Variants in ADGRA3 observed in about 807,000 individuals in gnomAD.
ADGRA3 encodes the protein G-protein coupled receptor 125.
Under a neutral mutation model 119.8 loss-of-function variants are expected in ADGRA3, and 56 were observed. That is an observed-to-expected ratio of 0.47 (90% CI 0.38 to 0.58). The LOEUF (loss-of-function observed/expected upper bound fraction) is 0.58, where lower values mean the gene tolerates loss of function less well. Among genes scored for constraint, ADGRA3 ranks in the 20% least tolerant of loss-of-function variants. The pLI is 0.00. For synonymous variants in ADGRA3, 607 were observed against 623.8 expected (o/e 0.97, Z 0.40); for missense variants, 1,516 against 1,649.0 (o/e 0.92, Z 1.40).
chr4:22,453,752 T>C (rs1005775562), intron 4 of ADGRA3, among the ~76,000 whole-genome samples: 3 of 152,218 alleles, frequency 2.0e-5, no homozygotes, highest in Admixed American at 1.3e-4. Flanking sequence ...TTTAGTCAGT[T>C]CTAAGCCCCT....
In ADGRA3 at chr4:22,515,524, T is replaced by C; in HGVS notation, c.257+4A>G. ...GAGGACCCAGCGTCGCGGGAGATAC[T>C]CACAGGGTGACCGTGCGGTTGGGCA... On this transcript the variant is annotated splice_donor_region_variant and intron_variant, in intron 1 of 18. Transcript: ENST00000334304. 6.3e-7 allele frequency: 1 copy of C among 1,590,784 alleles called. No individual in the cohort carries two copies. Among genetic ancestry groups the C allele is most frequent in the Non-Finnish European group, 8.6e-7 (1 of 1,162,358 alleles).
chr4:22,448,535 G>A (rs2109082385), intron 4 of ADGRA3, among the ~76,000 whole-genome samples: 1 of 152,276 alleles, frequency 6.6e-6, no homozygotes. Context: ...TTCTCCTCTG[G>A]AATCTGGGCT....
At chr4:22,467,352 A>T (rs1717697643) in intron 2 of ADGRA3, among the ~76,000 whole-genome samples, 1 of 152,068 alleles carries the variant, frequency 6.6e-6, no homozygotes, top group Non-Finnish European at 1.5e-5. Context: ...CCTCCCTGCA[A>T]CTCCCCAACT....
rs780401247 is a variant in ADGRA3, at chr4:22,387,832, G to A, written c.3839C>T (p.Ser1280Phe). The A allele has an allele frequency of 5.0e-6, 8 of 1,614,132 alleles. No individual in the cohort carries two copies. The highest frequency in any genetic ancestry group is 1.7e-5 in the Admixed American group (1 of 60,010). ...CTGAATGGCCAAGTTGAGGCCATAA[G>A]ATTTTTGCTGATTTTCAAGTTCAAC... ...AVVELENQQK[S>F]YGLNLAIQNG... Residue 1280 changes from serine to phenylalanine, a missense_variant, in exon 19 of 19, where the codon TCT (serine) becomes TTT (phenylalanine). By Grantham distance (155) the Ser-to-Phe change is radical. This residue lies in a region of ADGRA3 where 1,088 missense variants were observed against 1,107.1 expected (regional missense o/e 0.98). Coordinates refer to ENST00000334304, the MANE Select transcript of ADGRA3 (RefSeq NM_145290.4).
chr4:22,398,230 G>T, intron 16 of ADGRA3: 1 of 650,404 alleles, frequency 1.5e-6, no homozygotes, highest in Non-Finnish European at 1.9e-6. Flanking sequence ...TGAACAGTTA[G>T]TATATGCCTG....
intron 4 of ADGRA3, among the ~76,000 whole-genome samples, chr4:22,451,093 G>A (rs529453428): frequency 6.0e-5 from 9 of 150,990 alleles, no homozygotes; most frequent in African/African-American, 2.2e-4. Context: ...TATAAAGGAA[G>A]TTCTTTATAC....
chr4:22,508,418 A>C (rs2323410), intron 1 of ADGRA3, among the ~76,000 whole-genome samples: 4,680 of 152,226 alleles, frequency 0.031, 245 homozygotes, highest in African/African-American at 0.1. Flanking sequence ...CCTTGGATGA[A>C]AGCATCATGT....
rs1713915699 is a variant in ADGRA3, at chr4:22,388,006, C to T, written c.3665G>A (p.Arg1222Lys). 4 of 1,614,128 alleles carry T rather than the reference C, an allele frequency of 2.5e-6. No homozygotes were observed. In the South Asian group the frequency reaches 4.4e-5, roughly 18 times the overall value. ...TCTCTCTCTGTAGGCTAAATAAGCT[C>T]TTCGGCTCCTCGAGTGTCCTTCGTT... ...GNNEGHSRSR[R>K]AYLAYRERQY... is the part of the protein sequence containing the mutation. The change falls in exon 19 of 19, where the codon AGA becomes AAA. Residue 1222 changes from arginine (R) to lysine (K), a missense_variant. By Grantham distance (26) the Arg-to-Lys change is conservative (BLOSUM62 2). Around this residue, in one of 2 missense-constraint regions of ADGRA3, gnomAD observed 1,088 missense variants for 1,107.1 expected, o/e 0.98. Transcript: ENST00000334304.
intron 14 of ADGRA3, among the ~76,000 whole-genome samples, chr4:22,412,071 A>G (rs1381725114): frequency 2.0e-5 from 3 of 152,152 alleles, no homozygotes; most frequent in African/African-American, 2.4e-5. Context: ...CATGAAATGT[A>G]AAATATATCA....
chr4:22,501,475 C>T (rs971896740), intron 1 of ADGRA3, among the ~76,000 whole-genome samples: 1 of 151,932 alleles, frequency 6.6e-6, no homozygotes, highest in African/African-American at 2.4e-5. Context: ...GTTTCATAGA[C>T]CAGCAAAATA....
At chr4:22,409,619 T>G (rs1715105423) in intron 14 of ADGRA3, among the ~76,000 whole-genome samples, 1 of 152,212 alleles carries the variant, frequency 6.6e-6, no homozygotes, top group East Asian at 1.9e-4. Context: ...TATAAAGACA[T>G]CAGAGGAGTG....
intron 14 of ADGRA3, among the ~76,000 whole-genome samples, chr4:22,410,049 T>C (rs1406090284): frequency 1.3e-5 from 2 of 152,172 alleles, no homozygotes; most frequent in East Asian, 3.8e-4. Flanking sequence ...CAAAGTTGCT[T>C]TGAATACCAT....
At chr4:22,392,488 T>C in intron 17 of ADGRA3, 57 bp downstream of exon 17, 9 of 1,587,942 alleles carry the variant, frequency 5.7e-6, no homozygotes, top group Non-Finnish European at 7.8e-6. Flanking sequence ...TTATAATTTA[T>C]GATTATGCTT....
At chr4:22,476,671 GT>G (rs537023927) in intron 1 of ADGRA3, among the ~76,000 whole-genome samples, 177 of 140,920 alleles carry the variant, frequency 1.3e-3, no homozygotes, top group Non-Finnish European at 1.4e-3. Flanking sequence ...TCTGTTTTGG[GT>G]TTTTTTTTTT....
In ADGRA3 at chr4:22,392,690, C is replaced by T. The variant is rs763995383; in HGVS notation, c.2482G>A (p.Val828Ile). 8 of 1,601,556 alleles carry T rather than the reference C, an allele frequency of 5.0e-6. No homozygotes were observed. The highest frequency in any genetic ancestry group is 6.8e-6 in the Non-Finnish European group (8 of 1,176,098). ...QTRNASICQA[V>I]GIILHYSTLA... ...GTGGAATAGTGAAGAATTATCCCAA[C>T]CTACAAGGAAGATCAAAGAATAAAT... The change falls in exon 17 of 19, where the codon GTT becomes ATT. Residue 828 changes from valine (V) to isoleucine (I), a missense_variant and splice_region_variant. Coordinates refer to ENST00000334304, the MANE Select transcript of ADGRA3 (RefSeq NM_145290.4).
chr4:22,403,354 C>T (rs1335194560), intron 14 of ADGRA3, among the ~76,000 whole-genome samples: 1 of 151,940 alleles, frequency 6.6e-6, no homozygotes, highest in South Asian at 2.1e-4. Flanking sequence ...ACAGGGGAGA[C>T]ACATGTACAA....
rs183655790 is a variant in ADGRA3 at position 22,441,403 on chromosome 4, C to G, written c.920+1247G>C. On this transcript the variant is annotated intron_variant, in intron 7 of 18. Transcript: ENST00000334304. ...AGGAGAATATAACAGAATCCAGAGT[C>G]AGAGGTCGGCAGACTTTTTCTTCAA... is the stretch of plus-strand genomic sequence containing the variant. Among the ~76,000 whole-genome samples, 66 of 152,264 alleles carry G rather than the reference C, an allele frequency of 4.3e-4. 1 individual carries two copies. The highest frequency in any genetic ancestry group is 1.6e-3 in the African/African-American group (66 of 41,562).
chr4:22,428,741 TAA>T (rs1716042293), intron 10 of ADGRA3, among the ~76,000 whole-genome samples: 1 of 152,212 alleles, frequency 6.6e-6, no homozygotes, highest in South Asian at 2.1e-4. Flanking sequence ...AGTCAAGTTT[TAA>T]AAGTGTATTT....
intron 14 of ADGRA3, among the ~76,000 whole-genome samples, chr4:22,406,990 G>C (rs1714962983): frequency 6.6e-6 from 1 of 152,134 alleles, no homozygotes; most frequent in Admixed American, 6.5e-5. Flanking sequence ...AAGAATATAA[G>C]GCCGGGCGCA....
Sources: gnomAD v4.1 joint callset for allele counts (sites outside exome capture counted in the v4.1 genomes callset) on GRCh38, gnomAD v4.1.1 for gene constraint, gnomAD v4.1.1 regional missense constraint, MANE v1.5 for transcripts, NCBI Gene and HGNC (gene_info 2026-07-23, HGNC 2026-07-21) for gene names.